OLFM1: variants seen among roughly 807,000 people sequenced by gnomAD.
OLFM1 encodes the protein noelin.
Under a neutral mutation model 49.7 loss-of-function variants are expected in OLFM1, and 9 were observed. That is an observed-to-expected ratio of 0.18 (90% CI 0.11 to 0.32). The LOEUF is 0.32. Ranked by LOEUF, OLFM1 falls within the 10% of genes least tolerant of loss-of-function variation. OLFM1 has a pLI of 1.00. For synonymous variants in OLFM1, 240 were observed against 271.8 expected (o/e 0.88, Z 1.15); for missense variants, 369 against 661.8 (o/e 0.56, Z 4.85).
chr9:135,117,981 G>A lies in OLFM1; in HGVS notation c.784-1523G>A, dbSNP rs930105995. Among the ~76,000 whole-genome samples the A allele has an allele frequency of 1.3e-5, 2 of 152,238 alleles. No homozygotes were observed. Among genetic ancestry groups the A allele is most frequent in the African/African-American group, 2.4e-5 (1 of 41,466 alleles). On this transcript the variant is annotated intron_variant, in intron 5 of 5. Transcript: ENST00000371793. This position sits in a 1 kb window ranked among gnomAD's most constrained non-coding sequence, Gnocchi z 5.5. ...AGCTGTGTCTCCTTTTGAGGAGTGT[G>A]CTGGGTTTGGAGGTAGGACGTGGCA...
chr9:135,091,796 CAGTCACACACACTCACAT>C (rs1355808239), intron 2 of OLFM1, among the ~76,000 whole-genome samples: 4 of 149,774 alleles, frequency 2.7e-5, no homozygotes, highest in Non-Finnish European at 3.0e-5. Flanking sequence ...CATAGTCACA[CAGTCACACACACTCACAT>C]AGTCACACAC....
intron 5 of OLFM1, among the ~76,000 whole-genome samples, chr9:135,118,198 T>G (rs11792407): frequency 0.15 from 22,940 of 152,248 alleles, 1,979 homozygotes; most frequent in African/African-American, 0.23. Context: ...ACTTTGGAAG[T>G]GCTCGCCGGG....
At chr9:135,076,784 C>T (rs1047054321) in intron 1 of OLFM1, 1 of 1,512,068 alleles carries the variant, frequency 6.6e-7, no homozygotes, top group African/African-American at 1.4e-5. Context: ...ACCCTTCTTT[C>T]CTTCCTCCCT....
intron 5 of OLFM1, among the ~76,000 whole-genome samples, chr9:135,119,132 C>T (rs1254273094): frequency 6.6e-6 from 1 of 150,626 alleles, no homozygotes; most frequent in Non-Finnish European, 1.5e-5. Context: ...CTTTGGAGTA[C>T]TCGTTGTGTC....
chr9:135,113,488 G>T lies in OLFM1; in HGVS notation c.784-6016G>T, dbSNP rs1831051830. 6.6e-6 allele frequency among the ~76,000 whole-genome samples: 1 copy of T among 152,170 alleles called. No homozygotes were observed. The highest frequency in any genetic ancestry group is 1.5e-5 in the Non-Finnish European group (1 of 68,030). On this transcript the variant is annotated intron_variant, in intron 5 of 5. Transcript: ENST00000371793. The surrounding 1 kb of genome is among the most constrained non-coding windows in gnomAD (Gnocchi z 4.0). Reference sequence around the variant, plus strand: ...CACTACAGGTGGCAGGTCCTCACAGGACCTATTTTACAGCAGAGGGAACTG... The same window carrying T: ...CACTACAGGTGGCAGGTCCTCACAGTACCTATTTTACAGCAGAGGGAACTG...
chr9:135,076,614 C>T, intron 1 of OLFM1: 1 of 1,074,652 alleles, frequency 9.3e-7, no homozygotes, highest in Non-Finnish European at 1.3e-6. Flanking sequence ...GAAGAGCCTG[C>T]CAGCCGAGGG....
chr9:135,104,727 C>T (rs185259045), intron 4 of OLFM1, among the ~76,000 whole-genome samples: 3 of 152,288 alleles, frequency 2.0e-5, no homozygotes, highest in Admixed American at 2.0e-4. Context: ...CCACCCAGTG[C>T]AGAGGGAGCT....
At chr9:135,090,086 T>C in intron 1 of OLFM1, 109 bp from the exon 2 acceptor site, 1 of 1,030,764 alleles carries the variant, frequency 9.7e-7, no homozygotes, top group Non-Finnish European at 1.4e-6. Flanking sequence ...TCCCATCTTT[T>C]CCTTGGGGGT....
In OLFM1 at chr9:135,094,047, G is replaced by A. The variant is rs182542269; in HGVS notation, c.301-1817G>A. The stretch of plus-strand genomic sequence containing the variant: ...GGTCTCCTGACTGAGGCCAGCATGA[G>A]CTCAGCAGCTTCTCCTCGGCACTTG... On this transcript the variant is annotated intron_variant, in intron 2 of 5. Coordinates refer to ENST00000371793, the MANE Select transcript of OLFM1 (RefSeq NM_001282611.2). 2.0e-4 allele frequency among the ~76,000 whole-genome samples: 31 copies of A among 152,328 alleles called. No individual in the cohort carries two copies. In the East Asian group the frequency reaches 5.0e-3, roughly 25 times the overall value.
chr9:135,120,508 C>A lies in OLFM1; in HGVS notation c.*330C>A. ...GGCCAGTTCTCACCGGGGAAAAACC[C>A]ACTGTTAGGATGGCATGAACATTTC... On this transcript the variant is annotated 3_prime_UTR_variant, in exon 6 of 6. Transcript: ENST00000371793. 1 of 325,588 alleles carries A rather than the reference C, an allele frequency of 3.1e-6. No homozygotes were observed. Among genetic ancestry groups the A allele is most frequent in the East Asian group, 6.7e-5 (1 of 14,864 alleles). The allele number at this position is 325,588 out of a possible 1,614,324, so 20.2% of individuals were successfully genotyped here.
chr9:135,090,081 T>C lies in OLFM1; in HGVS notation c.151-114T>C, dbSNP rs531810294. The C allele has an allele frequency of 1.5e-5, 15 of 998,592 alleles. No individual in the cohort carries two copies. In the East Asian group the frequency reaches 3.4e-4, roughly 23 times the overall value. The allele number at this position is 998,592 out of a possible 1,614,324, so 61.9% of individuals were successfully genotyped here. A position where few individuals can be genotyped will look rare whatever the true frequency, so the allele number is the denominator to read the frequency against. ...CATGTCTTGGGACCATTTCCTCCCA[T>C]CTTTTCCTTGGGGGTGGATGTGGAC... On this transcript the variant is annotated intron_variant, in intron 1 of 5. Transcript: ENST00000371793.
chr9:135,088,647 G>C lies in OLFM1; in HGVS notation c.150+508G>C, dbSNP rs1162667842. Among the ~76,000 whole-genome samples the C allele has an allele frequency of 2.0e-5, 3 of 152,012 alleles. No individual in the cohort carries two copies. Among genetic ancestry groups the C allele is most frequent in the East Asian group, 1.9e-4 (1 of 5,156 alleles). ...CCGGGCTGGGAGTGGGGCCCCAGCC[G>C]GTGGGCTCCGGAGCTCCTGCCCGCG... On this transcript the variant is annotated intron_variant, in intron 1 of 5. Transcript: ENST00000371793. This position sits in a 1 kb window ranked among gnomAD's most constrained non-coding sequence, Gnocchi z 4.8.
chr9:135,106,556 G>A, intron 4 of OLFM1, 193 bp from the exon 5 acceptor site: 1 of 583,886 alleles, frequency 1.7e-6, no homozygotes, highest in Admixed American at 3.0e-5. Context: ...TTGGGGAGGA[G>A]GTGGCTTTTC....
chr9:135,114,776 G>A (rs1021733347), intron 5 of OLFM1, among the ~76,000 whole-genome samples: 1 of 152,112 alleles, frequency 6.6e-6, no homozygotes, highest in East Asian at 1.9e-4. Flanking sequence ...GGACAGGCTG[G>A]ACCGGCATTC....
At chr9:135,106,961 T>C (rs1363131985) in intron 5 of OLFM1, 106 bp downstream of exon 5, 1 of 866,726 alleles carries the variant, frequency 1.2e-6, no homozygotes, top group Admixed American at 2.5e-5. Context: ...CCAGGGCCTA[T>C]GGACTGGGCA....
At chr9:135,078,550 C>T (rs951993880) in intron 1 of OLFM1, among the ~76,000 whole-genome samples, 1 of 152,228 alleles carries the variant, frequency 6.6e-6, no homozygotes, top group Non-Finnish European at 1.5e-5. Flanking sequence ...GAACTTTGTC[C>T]TCAGACAGAA....
chr9:135,106,298 A>C (rs1830942462), intron 4 of OLFM1: 1 of 164,624 alleles, frequency 6.1e-6, no homozygotes, highest in Admixed American at 5.9e-5. Context: ...ACTGGGCCTG[A>C]CTGTGCCCCA....
chr9:135,107,573 A>G (rs1344120261), intron 5 of OLFM1, among the ~76,000 whole-genome samples: 3 of 151,348 alleles, frequency 2.0e-5, no homozygotes, highest in South Asian at 2.1e-4. Context: ...GGGCTTGTAG[A>G]CTCCCTCCAA....
rs1449243546 is a variant in OLFM1, at chr9:135,088,558, T to C, written c.150+419T>C. 2.0e-5 allele frequency among the ~76,000 whole-genome samples: 3 copies of C among 152,074 alleles called. No homozygotes were observed. The East Asian group carries it at 5.9e-4, about 30-fold the overall frequency. On this transcript the variant is annotated intron_variant, in intron 1 of 5. Coordinates refer to ENST00000371793, the MANE Select transcript of OLFM1 (RefSeq NM_001282611.2). The surrounding 1 kb of genome is among the most constrained non-coding windows in gnomAD (Gnocchi z 4.8). The stretch of plus-strand genomic sequence containing the variant: ...GAGGGGTGGAGCCGCCGCTAGACCC[T>C]AGTCTGGGCTCGGTCCAGCGGGGAC...
Sources: gnomAD v4.1 joint callset for allele counts (sites outside exome capture counted in the v4.1 genomes callset) on GRCh38, gnomAD v4.1.1 for gene constraint, Gnocchi (gnomAD v3.1) non-coding constraint, MANE v1.5 for transcripts, NCBI Gene and HGNC (gene_info 2026-07-23, HGNC 2026-07-21) for gene names.